CAMSAP2: variants seen among roughly 807,000 people sequenced by gnomAD.
The protein encoded by CAMSAP2 is calmodulin regulated spectrin associated protein family member 2.
Under a neutral mutation model 146.1 loss-of-function variants are expected in CAMSAP2, and 26 were observed. That is an observed-to-expected ratio of 0.18 (90% CI 0.13 to 0.25). The LOEUF (loss-of-function observed/expected upper bound fraction) is 0.25, where lower values mean the gene tolerates loss of function less well. CAMSAP2 is among the 10% of genes least tolerant of loss of function. CAMSAP2 has a pLI of 1.00. For synonymous variants in CAMSAP2, 499 were observed against 596.6 expected (o/e 0.84, Z 2.38); for missense variants, 1,381 against 1,759.3 (o/e 0.78, Z 3.85).
chr1:200,784,967 T>C (rs1173637750), intron 2 of CAMSAP2, among the ~76,000 whole-genome samples: 1 of 152,260 alleles, frequency 6.6e-6, no homozygotes, highest in Non-Finnish European at 1.5e-5. Flanking sequence ...TTTAAAATCA[T>C]GAATAACTGC....
Position 200,738,928 on chromosome 1 carries a change from C to T in CAMSAP2, c.-900C>T, listed in dbSNP as rs955194603. Among the ~76,000 whole-genome samples, 5 of 149,058 alleles carry T rather than the reference C, an allele frequency of 3.4e-5. No homozygotes were observed. Among genetic ancestry groups the T allele is most frequent in the African/African-American group, 1.2e-4 (5 of 40,198 alleles). ...TCTGCTCCTTCATCCAGTGCCGCAG[C>T]CGGAAAACCGCAGCGGCGGCGGCGG... is the stretch of plus-strand genomic sequence containing the variant. On this transcript the variant is annotated 5_prime_UTR_variant, in exon 1 of 17. Transcript: ENST00000358823.
chr1:200,854,898 A>G lies in CAMSAP2; in HGVS notation c.3896+9A>G, dbSNP rs1667710192. The G allele has an allele frequency of 6.3e-7, 1 of 1,592,578 alleles. No homozygotes were observed. Among genetic ancestry groups the G allele is most frequent in the Non-Finnish European group, 8.6e-7 (1 of 1,164,914 alleles). ...GGCAAGAGGACGCCAAGGTAAATCTATAACGTATGAATATTTTTACAGAAA... is the reference window on the plus strand; with the variant it reads ...GGCAAGAGGACGCCAAGGTAAATCTGTAACGTATGAATATTTTTACAGAAA... On this transcript the variant is annotated intron_variant, in intron 14 of 16. Coordinates refer to ENST00000358823, the MANE Select transcript of CAMSAP2 (RefSeq NM_203459.4).
chr1:200,796,294 A>T (rs917272181), intron 2 of CAMSAP2, among the ~76,000 whole-genome samples: 1 of 152,214 alleles, frequency 6.6e-6, no homozygotes, highest in Non-Finnish European at 1.5e-5. Flanking sequence ...GACCATAGAC[A>T]TATGGGCTTA....
rs1666529377 is a variant in CAMSAP2, at chr1:200,816,803, CGTGT to C, written c.645+1160_645+1163del. ...GTATATATGTGTGTACACACACACG[CGTGT>C]ATATATGTGTGTACACACACACGCG... On this transcript the variant is annotated intron_variant, in intron 4 of 16. Coordinates refer to ENST00000358823, the MANE Select transcript of CAMSAP2 (RefSeq NM_203459.4). 3.3e-5 allele frequency among the ~76,000 whole-genome samples: 3 copies of C among 91,386 alleles called. 1 individual carries two copies. The highest frequency in any genetic ancestry group is 2.1e-5 in the Non-Finnish European group (1 of 47,796). The allele number at this position is 91,386 out of a possible 152,430, so 60.0% of individuals were successfully genotyped here. A position where few individuals can be genotyped will look rare whatever the true frequency, so the allele number is the denominator to read the frequency against.
chr1:200,839,523 AG>A (rs1667264036), intron 6 of CAMSAP2, among the ~76,000 whole-genome samples: 1 of 152,200 alleles, frequency 6.6e-6, no homozygotes, highest in East Asian at 1.9e-4. Flanking sequence ...AGAGAAAAGT[AG>A]GATTAAGAAT....
chr1:200,817,048 GTA>G (rs1475046046), intron 4 of CAMSAP2, among the ~76,000 whole-genome samples: 1 of 139,808 alleles, frequency 7.2e-6, no homozygotes, highest in Non-Finnish European at 1.6e-5. Context: ...ATACACACGT[GTA>G]TGTGTATACA....
At chr1:200,789,395 G>A (rs1255766628) in intron 2 of CAMSAP2, among the ~76,000 whole-genome samples, 1 of 150,426 alleles carries the variant, frequency 6.6e-6, no homozygotes, top group South Asian at 2.1e-4. Context: ...TTTTTCATGT[G>A]GATGTCTGGT....
intron 2 of CAMSAP2, among the ~76,000 whole-genome samples, chr1:200,799,334 T>C (rs1665972892): frequency 1.3e-5 from 2 of 152,180 alleles, no homozygotes. Flanking sequence ...TTTTAATTAC[T>C]GCCTCAATTT....
At position 200,847,230 on chromosome 1, in the gene CAMSAP2, C is replaced by A. The variant is rs767524868; in HGVS notation, c.1130C>A (p.Thr377Lys). 1 of 1,610,888 alleles carries A rather than the reference C, an allele frequency of 6.2e-7. No individual in the cohort carries two copies. The highest frequency in any genetic ancestry group is 8.5e-7 in the Non-Finnish European group (1 of 1,178,236). ...TGCAGTGGGGAAGGAGCTACATTTACACAGTCTCATCATCATTTGCCTTCT... is the reference window on the plus strand; with the variant it reads ...TGCAGTGGGGAAGGAGCTACATTTAAACAGTCTCATCATCATTTGCCTTCT... Reference protein sequence around the residue: ...FPSSGEGATFTQSHHHLPSRY... With the variant: ...FPSSGEGATFKQSHHHLPSRY... The change falls in exon 9 of 17, where the codon ACA (threonine) becomes AAA (lysine). Residue 377 changes from threonine (T) to lysine (K), a missense_variant. Around this residue, in one of 4 missense-constraint regions of CAMSAP2, gnomAD observed 447 missense variants for 462.2 expected, o/e 0.97. Coordinates refer to ENST00000358823, the MANE Select transcript of CAMSAP2 (RefSeq NM_203459.4).
intron 4 of CAMSAP2, among the ~76,000 whole-genome samples, chr1:200,825,652 G>A (rs757395297): frequency 3.1e-4 from 47 of 151,854 alleles, no homozygotes; most frequent in Admixed American, 2.8e-3. Context: ...TACTACAGGC[G>A]AGCGCCACCA....
chr1:200,768,999 A>G (rs1196277737), intron 2 of CAMSAP2, among the ~76,000 whole-genome samples: 1 of 152,168 alleles, frequency 6.6e-6, no homozygotes, highest in Admixed American at 6.5e-5. Flanking sequence ...TTGATTTATC[A>G]AGAATTGGGA....
At position 200,848,192 on chromosome 1, in the gene CAMSAP2, A is replaced by G. The variant is rs1214659448; in HGVS notation, c.1423A>G (p.Lys475Glu). The G allele has an allele frequency of 1.2e-6, 2 of 1,613,954 alleles. No individual in the cohort carries two copies. The highest frequency in any genetic ancestry group is 4.5e-5 in the East Asian group (2 of 44,852). Residue 475 changes from lysine (K) to glutamate (E), a missense_variant, in exon 11 of 17, where the codon AAG (lysine) becomes GAG (glutamate). Coordinates refer to ENST00000358823, the MANE Select transcript of CAMSAP2 (RefSeq NM_203459.4). Reference protein sequence around the residue: ...SKHIRKNLSFKPINGEEEAES... With the variant: ...SKHIRKNLSFEPINGEEEAES... ...ACACATTAGGAAAAATTTGTCCTTC[A>G]AGCCAATAAATGGAGAAGAGGAAGC...
At chr1:200,809,550 G>A (rs1571779100) in intron 3 of CAMSAP2, among the ~76,000 whole-genome samples, 1 of 152,128 alleles carries the variant, frequency 6.6e-6, no homozygotes, top group African/African-American at 2.4e-5. Context: ...GGCCAACATG[G>A]CGAAACTCCG....
At chr1:200,803,067 T>C (rs1197966233) in intron 2 of CAMSAP2, among the ~76,000 whole-genome samples, 1 of 152,204 alleles carries the variant, frequency 6.6e-6, no homozygotes, top group African/African-American at 2.4e-5. Context: ...TGTCATGCTA[T>C]GCTCTGCCAC....
At chr1:200,770,422 T>C (rs1316971910) in intron 2 of CAMSAP2, among the ~76,000 whole-genome samples, 2 of 99,908 alleles carry the variant, frequency 2.0e-5, no homozygotes, top group African/African-American at 4.6e-5. Context: ...CTACTATTTC[T>C]TTTTTTTTTT....
rs558076260 is a variant in CAMSAP2 at position 200,745,948 on chromosome 1, T to C, written c.139+5982T>C. On this transcript the variant is annotated intron_variant, in intron 1 of 16. Transcript: ENST00000358823. ...TAGGTTCTTGAAAATTTATTGACAG[T>C]TAAAAAGTTTTTAAAAATAGGTATA... is the stretch of plus-strand genomic sequence containing the variant. Among the ~76,000 whole-genome samples the C allele has an allele frequency of 3.9e-5, 6 of 152,306 alleles. No homozygotes were observed. The East Asian group carries it at 9.7e-4, about 25-fold the overall frequency.
At chr1:200,838,665 A>G (rs554493372) in intron 6 of CAMSAP2, among the ~76,000 whole-genome samples, 2 of 152,316 alleles carry the variant, frequency 1.3e-5, no homozygotes, top group East Asian at 3.9e-4. Flanking sequence ...GGAAGAGAAA[A>G]AGGGACTGTA....
chr1:200,804,047 C>T (rs1240623024), intron 2 of CAMSAP2, among the ~76,000 whole-genome samples: 3 of 152,076 alleles, frequency 2.0e-5, no homozygotes, highest in East Asian at 1.9e-4. Flanking sequence ...CTGCCTCAGC[C>T]TCCTGAGTAG....
chr1:200,827,342 C>T (rs1666930633), intron 4 of CAMSAP2, among the ~76,000 whole-genome samples: 1 of 152,168 alleles, frequency 6.6e-6, no homozygotes, highest in Admixed American at 6.5e-5. Flanking sequence ...TTGTTATCAC[C>T]ATTTTCTATT....
Sources: allele counts gnomAD v4.1 joint callset (sites outside exome capture counted in the v4.1 genomes callset), GRCh38; gene constraint gnomAD v4.1.1; regional missense constraint gnomAD v4.1.1; transcripts MANE v1.5; gene names NCBI Gene and HGNC (gene_info 2026-07-23, HGNC 2026-07-21).